Variants in KCNH1 observed in about 807,000 individuals in gnomAD.
The protein encoded by KCNH1 is potassium voltage-gated channel subfamily H member 1, also known as voltage-gated delayed rectifier potassium channel KCNH1.
KCNH1 carries 27 observed loss-of-function variants against 69.2 expected under a neutral mutation model. The ratio of observed to expected loss-of-function variants is 0.39; its 90% CI spans 0.29 to 0.54. The LOEUF (loss-of-function observed/expected upper bound fraction) is 0.54, where lower values mean the gene tolerates loss of function less well. KCNH1 is among the 20% of genes least tolerant of loss of function. The pLI is 0.68. For synonymous variants in KCNH1, 456 were observed against 487.7 expected (o/e 0.93, Z 0.86); for missense variants, 798 against 1,261.6 (o/e 0.63, Z 5.57).
At chr1:210,792,816 AT>A (rs1684235297) in intron 9 of KCNH1, among the ~76,000 whole-genome samples, 1 of 152,228 alleles carries the variant, frequency 6.6e-6, no homozygotes, top group African/African-American at 2.4e-5. Flanking sequence ...AGGAGATCAT[AT>A]AAATATCGTA....
Position 210,962,967 on chromosome 1 carries a change from G to A in KCNH1, c.1033-42898C>T, listed in dbSNP as rs1030673307. ...GTCATTTGTGCTTCCTCTTCAGTGT[G>A]ATGGCTGCTCACGTGTTTTGCCTAT... On this transcript the variant is annotated intron_variant, in intron 6 of 10. Transcript: ENST00000271751. Among the ~76,000 whole-genome samples, 3 of 151,196 alleles carry A rather than the reference G, an allele frequency of 2.0e-5. No individual in the cohort carries two copies. In the Admixed American group the frequency reaches 2.0e-4, roughly 10 times the overall value.
chr1:210,687,642 G>T (rs1199714163), intron 10 of KCNH1, among the ~76,000 whole-genome samples: 2 of 152,228 alleles, frequency 1.3e-5, no homozygotes, highest in Non-Finnish European at 2.9e-5. Flanking sequence ...AGCTGATGTG[G>T]TCTGACAGCT....
In KCNH1 at chr1:210,956,561, T is replaced by C. The variant is rs565920047; in HGVS notation, c.1033-36492A>G. Among the ~76,000 whole-genome samples the C allele has an allele frequency of 2.3e-5, 3 of 130,806 alleles. No homozygotes were observed. The South Asian group carries it at 7.6e-4, about 33-fold the overall frequency. The allele number at this position is 130,806 out of a possible 152,430, so 85.8% of individuals were successfully genotyped here. ...GTTTTTTTTTTTTTTTTTTGGAGGG[T>C]AGGCTATTAATTACTGCCTCAACTT... On this transcript the variant is annotated intron_variant, in intron 6 of 10. Coordinates refer to ENST00000271751, the MANE Select transcript of KCNH1 (RefSeq NM_172362.3).
chr1:211,128,220 C>T (rs917501894), intron 1 of KCNH1, among the ~76,000 whole-genome samples: 19 of 144,306 alleles, frequency 1.3e-4, no homozygotes, highest in African/African-American at 3.6e-4. Flanking sequence ...ACCCGGGAGG[C>T]GGAGGTTGCA....
chr1:211,033,274 G>C (rs1481239379), intron 5 of KCNH1, among the ~76,000 whole-genome samples: 1 of 152,224 alleles, frequency 6.6e-6, no homozygotes, highest in Non-Finnish European at 1.5e-5. Flanking sequence ...AGGTGCTGGA[G>C]AGGATGTGGA....
chr1:210,863,211 C>A (rs1008242194), intron 7 of KCNH1, among the ~76,000 whole-genome samples: 4 of 152,138 alleles, frequency 2.6e-5, no homozygotes, highest in African/African-American at 9.7e-5. Flanking sequence ...ATCAATGCAC[C>A]CACCAAGCAC....
intron 6 of KCNH1, among the ~76,000 whole-genome samples, chr1:210,935,240 C>T (rs1687757505): frequency 6.6e-6 from 1 of 150,584 alleles, no homozygotes; most frequent in Admixed American, 6.6e-5. Flanking sequence ...GCCTGGAACA[C>T]ATCATGTTAA....
intron 10 of KCNH1, among the ~76,000 whole-genome samples, chr1:210,772,297 T>G (rs1223690825): frequency 6.6e-6 from 1 of 152,204 alleles, no homozygotes; most frequent in Non-Finnish European, 1.5e-5. Flanking sequence ...TCAAAGGCAC[T>G]GTGTTGTCAA....
chr1:210,736,219 T>C (rs1035825862), intron 10 of KCNH1, among the ~76,000 whole-genome samples: 4 of 152,062 alleles, frequency 2.6e-5, no homozygotes, highest in Non-Finnish European at 5.9e-5. Flanking sequence ...CTTTGCACTA[T>C]TTTATCTCCT....
chr1:210,717,933 C>A (rs933930962), intron 10 of KCNH1, among the ~76,000 whole-genome samples: 5 of 151,972 alleles, frequency 3.3e-5, no homozygotes, highest in Non-Finnish European at 7.4e-5. Context: ...ATAGTGAAAC[C>A]CCATGTCTAC....
At chr1:211,042,641 T>A (rs564203411) in intron 5 of KCNH1, among the ~76,000 whole-genome samples, 2 of 152,160 alleles carry the variant, frequency 1.3e-5, no homozygotes, top group Non-Finnish European at 2.9e-5. Flanking sequence ...TTACAGAACA[T>A]TCTACCCAAC....
chr1:210,835,568 G>C (rs1685264219), intron 7 of KCNH1, among the ~76,000 whole-genome samples: 1 of 152,146 alleles, frequency 6.6e-6, no homozygotes, highest in African/African-American at 2.4e-5. Flanking sequence ...GAGAGGGAGG[G>C]AGGCAGCAGA....
At chr1:210,979,197 C>T (rs756669149) in intron 6 of KCNH1, among the ~76,000 whole-genome samples, 1 of 152,008 alleles carries the variant, frequency 6.6e-6, no homozygotes, top group Non-Finnish European at 1.5e-5. Context: ...GGCCAAACCT[C>T]GATGCTAACA....
At chr1:210,770,171 G>T (rs997373307) in intron 10 of KCNH1, among the ~76,000 whole-genome samples, 2 of 93,306 alleles carry the variant, frequency 2.1e-5, no homozygotes, top group Non-Finnish European at 4.8e-5. Flanking sequence ...TGGACACAGG[G>T]AGGGGGAACA....
At chr1:210,967,107 A>T (rs200893983) in intron 6 of KCNH1, among the ~76,000 whole-genome samples, 1 of 152,014 alleles carries the variant, frequency 6.6e-6, no homozygotes, top group Admixed American at 6.6e-5. Context: ...CTCACTCATA[A>T]GTGGGAGTTG....
intron 7 of KCNH1, among the ~76,000 whole-genome samples, chr1:210,880,517 A>C (rs1047970451): frequency 6.6e-6 from 1 of 152,218 alleles, no homozygotes; most frequent in Non-Finnish European, 1.5e-5. Context: ...TGTTGCTCTG[A>C]AGACTGGATA....
chr1:210,737,054 C>T (rs1682897948), intron 10 of KCNH1, among the ~76,000 whole-genome samples: 1 of 152,210 alleles, frequency 6.6e-6, no homozygotes, highest in Non-Finnish European at 1.5e-5. Context: ...GAAGGAAAGG[C>T]AGTCAAGAAG....
chr1:211,065,602 C>A (rs1690515458), intron 5 of KCNH1, among the ~76,000 whole-genome samples: 1 of 151,950 alleles, frequency 6.6e-6, no homozygotes, highest in Non-Finnish European at 1.5e-5. Context: ...AGTATTGTAT[C>A]CTTAAAAATT....
At chr1:210,893,503 T>C (rs1398725764) in intron 7 of KCNH1, among the ~76,000 whole-genome samples, 2 of 152,052 alleles carry the variant, frequency 1.3e-5, no homozygotes, top group East Asian at 1.9e-4. Context: ...TGTGTTTTCA[T>C]GTTTCTTCTG....
Sources: allele counts gnomAD v4.1 joint callset (sites outside exome capture counted in the v4.1 genomes callset), GRCh38; gene constraint gnomAD v4.1.1; transcripts MANE v1.5; gene names NCBI Gene and HGNC (gene_info 2026-07-23, HGNC 2026-07-21).